The following GALNT13 variants were observed in gnomAD, a reference collection of about 807,000 sequenced individuals.
The protein encoded by GALNT13 is UDP-GalNAc:polypeptide N-acetylgalactosaminyltransferase 13.
Under a neutral mutation model 64.2 loss-of-function variants are expected in GALNT13, and 28 were observed. The observed-to-expected ratio is 0.44, with a 90% CI of 0.32 to 0.60. The LOEUF (loss-of-function observed/expected upper bound fraction) is 0.60, where lower values mean the gene tolerates loss of function less well. Ranked by LOEUF, GALNT13 falls within the 20% of genes least tolerant of loss-of-function variation. GALNT13 has a pLI of 0.05. For synonymous variants in GALNT13, 214 were observed against 224.6 expected (o/e 0.95, Z 0.42); for missense variants, 577 against 669.8 (o/e 0.86, Z 1.53).
chr2:153,673,304 C>G, the GALNT13 span, among the ~76,000 whole-genome samples: 1 of 152,112 alleles, frequency 6.6e-6, no homozygotes, highest in East Asian at 1.9e-4. Flanking sequence ...ATGCAAAAAT[C>G]CTCAATAAAA....
chr2:154,405,603 A>T (rs1699496510), intron 10 of GALNT13, among the ~76,000 whole-genome samples: 1 of 149,464 alleles, frequency 6.7e-6, no homozygotes, highest in African/African-American at 2.4e-5. Flanking sequence ...AAAAAAAAAA[A>T]TTTGACCAGG....
chr2:153,731,228 C>G, the GALNT13 span, among the ~76,000 whole-genome samples: 1 of 151,614 alleles, frequency 6.6e-6, no homozygotes, highest in African/African-American at 2.4e-5. Context: ...AAACTGGAGG[C>G]CATAATCCCA....
At chr2:153,529,542 T>G in the GALNT13 span, among the ~76,000 whole-genome samples, 1 of 151,972 alleles carries the variant, frequency 6.6e-6, no homozygotes, top group African/African-American at 2.4e-5. Context: ...GGAGGAGGGA[T>G]TACTTCCTAA....
the GALNT13 span, among the ~76,000 whole-genome samples, chr2:153,861,559 C>CTTTTTTTTTTTTTTTTTTTTTTTTTTT: frequency 8.5e-6 from 1 of 118,202 alleles, no homozygotes; most frequent in African/African-American, 3.3e-5. Context: ...TTCTTTCTTT[C>CTTTTTTTTTTTTTTTTTTTTTTTTTTT]TTTTTTTTTT....
At chr2:153,591,338 G>A in the GALNT13 span, among the ~76,000 whole-genome samples, 2 of 152,052 alleles carry the variant, frequency 1.3e-5, no homozygotes, top group Non-Finnish European at 2.9e-5. Flanking sequence ...CCAAACTCAT[G>A]AGTCAGAAGA....
the GALNT13 span, among the ~76,000 whole-genome samples, chr2:153,285,844 T>C: frequency 6.6e-6 from 1 of 152,060 alleles, no homozygotes; most frequent in Non-Finnish European, 1.5e-5. Flanking sequence ...ATCATCAGTA[T>C]TAAGTGATAT....
At chr2:153,222,139 C>T in the GALNT13 span, among the ~76,000 whole-genome samples, 1 of 152,082 alleles carries the variant, frequency 6.6e-6, no homozygotes, top group Admixed American at 6.5e-5. Context: ...GTGAGCCAGG[C>T]AGAGAGGAGT....
intron 2 of GALNT13, among the ~76,000 whole-genome samples, chr2:153,931,963 A>T (rs1690559775): frequency 6.6e-6 from 1 of 152,122 alleles, no homozygotes; most frequent in South Asian, 2.1e-4. Context: ...GTCTGGTAGA[A>T]TTTGGCTGTT....
the GALNT13 span, among the ~76,000 whole-genome samples, chr2:153,713,550 T>C: frequency 2.0e-5 from 3 of 152,326 alleles, no homozygotes; most frequent in East Asian, 3.9e-4. Context: ...TGGCATAATC[T>C]TGGCTTACTG....
intron 8 of GALNT13, 60 bp downstream of exon 8, chr2:154,259,198 C>A: frequency 1.1e-6 from 1 of 875,546 alleles, no homozygotes; most frequent in Non-Finnish European, 1.9e-6. Flanking sequence ...CATGCACATA[C>A]CAGTCCCAGT....
the GALNT13 span, among the ~76,000 whole-genome samples, chr2:153,319,659 T>G: frequency 6.6e-6 from 1 of 152,174 alleles, no homozygotes; most frequent in Non-Finnish European, 1.5e-5. Flanking sequence ...TCATTGATAT[T>G]TGAGCCCCAG....
rs1020050989 is a variant in GALNT13, at chr2:154,185,747, C to T, written c.311+45242C>T. ...TCTCATATTGCTCACTTATTGTTTT[C>T]CTGATTTTATTTAGTAATCTATAAG... is the stretch of plus-strand genomic sequence containing the variant. On this transcript the variant is annotated intron_variant, in intron 4 of 12. Coordinates refer to ENST00000392825, the MANE Select transcript of GALNT13 (RefSeq NM_052917.4). 5.3e-5 allele frequency among the ~76,000 whole-genome samples: 8 copies of T among 151,660 alleles called. No homozygotes were observed. The South Asian group carries it at 1.7e-3, about 32-fold the overall frequency.
At chr2:153,780,899 T>TA in the GALNT13 span, among the ~76,000 whole-genome samples, 1 of 152,278 alleles carries the variant, frequency 6.6e-6, no homozygotes, top group Admixed American at 6.5e-5. Context: ...AGGACCTACT[T>TA]ACAGTTTAAT....
At chr2:153,274,576 G>A in the GALNT13 span, among the ~76,000 whole-genome samples, 1 of 152,162 alleles carries the variant, frequency 6.6e-6, no homozygotes, top group African/African-American at 2.4e-5. Flanking sequence ...TGCTGTATAT[G>A]CTGACTTCTC....
At chr2:154,170,279 T>C (rs902055305) in intron 4 of GALNT13, among the ~76,000 whole-genome samples, 8 of 152,162 alleles carry the variant, frequency 5.3e-5, no homozygotes, top group African/African-American at 1.9e-4. Flanking sequence ...AATGCTAATT[T>C]CTTCCAGAAA....
the GALNT13 span, among the ~76,000 whole-genome samples, chr2:153,413,327 C>T: frequency 6.6e-6 from 1 of 152,114 alleles, no homozygotes; most frequent in Non-Finnish European, 1.5e-5. Flanking sequence ...GTGGAGAGTG[C>T]ACTGGGGTAT....
At chr2:153,794,669 C>T in the GALNT13 span, among the ~76,000 whole-genome samples, 4 of 152,090 alleles carry the variant, frequency 2.6e-5, no homozygotes, top group South Asian at 6.2e-4. Flanking sequence ...TACAGGCGCC[C>T]ACCACTGCGC....
At chr2:153,601,308 C>G in the GALNT13 span, among the ~76,000 whole-genome samples, 1 of 151,496 alleles carries the variant, frequency 6.6e-6, no homozygotes, top group Admixed American at 6.6e-5. Flanking sequence ...AGAGCTTGTA[C>G]TAGTAATGAT....
the GALNT13 span, among the ~76,000 whole-genome samples, chr2:153,315,264 A>T: frequency 6.6e-6 from 1 of 152,192 alleles, no homozygotes; most frequent in Non-Finnish European, 1.5e-5. Flanking sequence ...CTGAGAAGTT[A>T]TCCATGATCA....
Sources: allele counts gnomAD v4.1 joint callset (sites outside exome capture counted in the v4.1 genomes callset), GRCh38; gene constraint gnomAD v4.1.1; transcripts MANE v1.5; gene names NCBI Gene and HGNC (gene_info 2026-07-23, HGNC 2026-07-21).